SMC2: variants seen among roughly 807,000 people sequenced by gnomAD.
SMC2 encodes the protein structural maintenance of chromosomes protein 2.
In SMC2, 41 loss-of-function variants were observed where a neutral mutation model predicts 142.6. The observed-to-expected ratio is 0.29, with a 90% confidence interval of 0.22 to 0.37. The LOEUF (loss-of-function observed/expected upper bound fraction) is 0.37. Ranked by LOEUF, SMC2 falls within the 10% of genes least tolerant of loss-of-function variation. SMC2 has a pLI of 1.00. For missense variants in SMC2, 1,265 were observed against 1,373.7 expected (o/e 0.92, Z 1.25); for synonymous variants, 463 against 457.5 (o/e 1.01, Z -0.15).
intron 23 of SMC2, chr9:104,136,111 CT>C (rs1380211274): frequency 2.6e-5 from 8 of 309,212 alleles, no homozygotes; most frequent in Middle Eastern, 4.2e-4. Flanking sequence ...TTAAAACCTC[CT>C]GAAAGAAGGT....
rs754501045 is a variant in SMC2 at position 104,120,075 on chromosome 9, A to G, written c.2045A>G (p.Lys682Arg). ...ASILTKFQEL[K>R]DVQDELRIKE... ...ATTTTAACCAAGTTTCAAGAACTCA[A>G]AGATGTTCAGGATGAACTGAGAATC... The change falls in exon 16 of 25, where the codon AAA becomes AGA. Residue 682 changes from lysine (K) to arginine (R), a missense_variant. By Grantham distance (26) the Lys-to-Arg change is conservative. This residue lies in a region of SMC2 where 898 missense variants were observed against 904.2 expected (regional missense o/e 0.99). Transcript: ENST00000374793. The G allele has an allele frequency of 6.2e-6, 10 of 1,614,042 alleles. No individual in the cohort carries two copies. Among genetic ancestry groups the G allele is most frequent in the Middle Eastern group, 1.7e-4 (1 of 6,060 alleles).
rs1836014737 is a variant in SMC2 at position 104,141,111 on chromosome 9, AGT to A, written c.*1797_*1798del. ...GGGGACATTTGTTTCACACATCTGC[AGT>A]AATATGAGTTAACTAATATTTAACA... On this transcript the variant is annotated 3_prime_UTR_variant, in exon 25 of 25. Transcript: ENST00000374793. 1 of 152,204 alleles carries A rather than the reference AGT, an allele frequency of 6.6e-6. No individual in the cohort carries two copies. The allele number at this position is 152,204 out of a possible 1,614,324, so 9.4% of individuals were successfully genotyped here. A position where few individuals can be genotyped will look rare whatever the true frequency, so the allele number is the denominator to read the frequency against.
chr9:104,125,547 G>A (rs898170366), intron 18 of SMC2, among the ~76,000 whole-genome samples: 1 of 152,140 alleles, frequency 6.6e-6, no homozygotes, highest in Admixed American at 6.5e-5. Context: ...TTTAAGGAAA[G>A]GGCAAAGTTG....
chr9:104,097,783 A>G (rs1050856630), intron 3 of SMC2, among the ~76,000 whole-genome samples: 1 of 152,208 alleles, frequency 6.6e-6, no homozygotes, highest in East Asian at 1.9e-4. Flanking sequence ...TTTATTCAAT[A>G]TTTATTAAAT....
At position 104,140,834 on chromosome 9, in the gene SMC2, T is replaced by A. The variant is rs546017541; in HGVS notation, c.*1519T>A. 6.6e-6 allele frequency: 1 copy of A among 152,478 alleles called. No individual in the cohort carries two copies. The highest frequency in any genetic ancestry group is 2.4e-5 in the African/African-American group (1 of 41,584). The allele number at this position is 152,478 out of a possible 1,614,324, so 9.4% of individuals were successfully genotyped here. A position where few individuals can be genotyped will look rare whatever the true frequency, so the allele number is the denominator to read the frequency against. ...ATACAAATTAGTCAGTACTTGCTGT[T>A]AATTTTAATATTTCTGATTTAACAG... is the stretch of plus-strand genomic sequence containing the variant. On this transcript the variant is annotated 3_prime_UTR_variant, in exon 25 of 25. Coordinates refer to ENST00000374793, the MANE Select transcript of SMC2 (RefSeq NM_006444.3).
At chr9:104,116,346 T>G in intron 14 of SMC2, 27 bp downstream of exon 14, 1 of 1,574,496 alleles carries the variant, frequency 6.4e-7, no homozygotes, top group South Asian at 1.2e-5. Flanking sequence ...CTTATTTATA[T>G]GTTTAATCGT....
At chr9:104,116,109 ACATT>A in intron 13 of SMC2, 87 bp from the exon 14 acceptor site, 1 of 1,127,124 alleles carries the variant, frequency 8.9e-7, no homozygotes, top group South Asian at 1.7e-5. Context: ...ATGGCACTAA[ACATT>A]CATTTATTAT....
At chr9:104,133,894 C>T (rs1010662174) in intron 22 of SMC2, among the ~76,000 whole-genome samples, 3 of 152,094 alleles carry the variant, frequency 2.0e-5, no homozygotes, top group African/African-American at 7.2e-5. Flanking sequence ...TCTCCTGGGC[C>T]TCACATTGAT....
chr9:104,097,837 G>A (rs898728367), intron 3 of SMC2, among the ~76,000 whole-genome samples: 1 of 152,148 alleles, frequency 6.6e-6, no homozygotes, highest in Non-Finnish European at 1.5e-5. Context: ...GGGATGTACA[G>A]TTAGAAGAAT....
chr9:104,124,086 G>C (rs1407886995), intron 17 of SMC2, among the ~76,000 whole-genome samples: 2 of 152,070 alleles, frequency 1.3e-5, no homozygotes, highest in Admixed American at 1.3e-4. Context: ...TGTTCATTCA[G>C]TATTGCCCTT....
Position 104,123,092 on chromosome 9 carries a change from T to C in SMC2, c.2133-16T>C. 1 of 1,593,040 alleles carries C rather than the reference T, an allele frequency of 6.3e-7. No homozygotes were observed. The highest frequency in any genetic ancestry group is 8.5e-7 in the Non-Finnish European group (1 of 1,172,970). ...AAAAATGACAGTCATTTCTTACATG[T>C]TTCTGTTTTTGTAAGGTATCGCCAA... is the stretch of plus-strand genomic sequence containing the variant. On this transcript the variant is annotated splice_polypyrimidine_tract_variant and intron_variant, in intron 16 of 24. Coordinates refer to ENST00000374793, the MANE Select transcript of SMC2 (RefSeq NM_006444.3).
In SMC2 at chr9:104,141,204, A is replaced by G. The variant is rs1836018916; in HGVS notation, c.*1889A>G. ...ATTGTCATATTTAATCCTCAGAGTA[A>G]CCTAGTGAGGTAAATACTGTTGTTG... On this transcript the variant is annotated 3_prime_UTR_variant, in exon 25 of 25. Coordinates refer to ENST00000374793, the MANE Select transcript of SMC2 (RefSeq NM_006444.3). 6.6e-6 allele frequency: 1 copy of G among 152,146 alleles called. No individual in the cohort carries two copies. The highest frequency in any genetic ancestry group is 1.5e-5 in the Non-Finnish European group (1 of 68,024). 9.4% of individuals were successfully genotyped at this position (152,146 alleles called of 1,614,324 possible).
upstream of SMC2, chr9:104,092,490 T>C (rs957236902): frequency 6.6e-6 from 1 of 152,116 alleles, no homozygotes; most frequent in Non-Finnish European, 1.5e-5. Context: ...ACTCACAAAA[T>C]GATAAAAGGA....
intron 16 of SMC2, among the ~76,000 whole-genome samples, chr9:104,120,609 TG>T (rs1833627354): frequency 6.6e-6 from 1 of 152,218 alleles, no homozygotes; most frequent in African/African-American, 2.4e-5. Context: ...TCTGCTAGGT[TG>T]CCTAGTGAGC....
chr9:104,091,586 TC>T (rs1241873463), upstream of SMC2, among the ~76,000 whole-genome samples: 1 of 152,168 alleles, frequency 6.6e-6, no homozygotes, highest in African/African-American at 2.4e-5. Context: ...AATATAAACT[TC>T]CTGTCATTAT....
chr9:104,128,536 A>G (rs183497907), intron 20 of SMC2, among the ~76,000 whole-genome samples: 92 of 152,322 alleles, frequency 6.0e-4, no homozygotes, highest in Middle Eastern at 3.4e-3. Context: ...GGCACTGACA[A>G]TGTAAGGATG....
rs752567664 is a variant in SMC2, at chr9:104,116,365, G to GT, written c.1791+53dup. The GT allele has an allele frequency of 6.1e-5, 93 of 1,516,722 alleles. No homozygotes were observed. In the South Asian group the frequency reaches 7.0e-4, roughly 11 times the overall value. 94.0% of individuals were successfully genotyped at this position (1,516,722 alleles called of 1,614,324 possible). ...TTTATATGTTTAATCGTCATCTGTG[G>GT]TTTTTTTAAGTTAGAAGACATTAAT... is the stretch of plus-strand genomic sequence containing the variant. On this transcript the variant is annotated intron_variant, in intron 14 of 24. Coordinates refer to ENST00000374793, the MANE Select transcript of SMC2 (RefSeq NM_006444.3).
At chr9:104,108,412 T>A (rs557483034) in intron 9 of SMC2, among the ~76,000 whole-genome samples, 1 of 152,150 alleles carries the variant, frequency 6.6e-6, no homozygotes, top group Non-Finnish European at 1.5e-5. Flanking sequence ...TCCTGGACTT[T>A]CCATATACTC....
intron 7 of SMC2, 78 bp downstream of exon 7, chr9:104,100,511 T>A: frequency 1.1e-6 from 1 of 918,936 alleles, no homozygotes; most frequent in Non-Finnish European, 1.7e-6. Flanking sequence ...ATACACATAG[T>A]GATACTATTT....
Sources: gnomAD v4.1 joint callset for allele counts (sites outside exome capture counted in the v4.1 genomes callset) on GRCh38, gnomAD v4.1.1 for gene constraint, gnomAD v4.1.1 regional missense constraint, MANE v1.5 for transcripts, NCBI Gene and HGNC (gene_info 2026-07-23, HGNC 2026-07-21) for gene names.